Variants in FAM193A observed in about 807,000 individuals in gnomAD.
FAM193A encodes the protein family with sequence similarity 193 member A.
A neutral mutation model predicts 126.5 loss-of-function variants in FAM193A; 22 were observed. The observed-to-expected ratio is 0.17, with a 90% CI of 0.12 to 0.25. The LOEUF is 0.25. Among genes scored for constraint, FAM193A ranks in the 10% least tolerant of loss-of-function variants. The pLI, the probability that FAM193A is intolerant of heterozygous loss-of-function variation, is 1.00. For missense variants in FAM193A, 1,675 were observed against 1,672.8 expected (o/e 1.00, Z -0.02); for synonymous variants, 761 against 646.8 (o/e 1.18, Z -2.68).
At chr4:2,723,655 T>C (rs1720409043) in intron 20 of FAM193A, among the ~76,000 whole-genome samples, 1 of 152,158 alleles carries the variant, frequency 6.6e-6, no homozygotes, top group South Asian at 2.1e-4. Flanking sequence ...ATATCAAAGG[T>C]TTAAAACACT....
intron 5 of FAM193A, among the ~76,000 whole-genome samples, chr4:2,633,283 C>T (rs371312198): frequency 1.3e-5 from 2 of 151,982 alleles, no homozygotes; most frequent in African/African-American, 4.8e-5. Flanking sequence ...CCTGTAGTCC[C>T]AGCTACTCGG....
chr4:2,720,438 G>C (rs761285634), intron 20 of FAM193A, among the ~76,000 whole-genome samples: 4 of 152,036 alleles, frequency 2.6e-5, no homozygotes, highest in Non-Finnish European at 4.4e-5. Context: ...GATCACTTGA[G>C]CCCAGGAGTT....
intron 20 of FAM193A, among the ~76,000 whole-genome samples, chr4:2,720,828 G>A (rs1720057930): frequency 6.6e-6 from 1 of 152,066 alleles, no homozygotes; most frequent in African/African-American, 2.4e-5. Flanking sequence ...CATTAAAGAA[G>A]ATCTAAATCA....
chr4:2,630,612 C>T (rs1389645021), intron 4 of FAM193A, among the ~76,000 whole-genome samples: 1 of 152,202 alleles, frequency 6.6e-6, no homozygotes, highest in Non-Finnish European at 1.5e-5. Context: ...AGTCACCCAA[C>T]CTGTGTGGGC....
intron 1 of FAM193A, among the ~76,000 whole-genome samples, chr4:2,581,185 C>G (rs896021611): frequency 2.7e-5 from 4 of 146,752 alleles, no homozygotes; most frequent in African/African-American, 9.8e-5. Flanking sequence ...TTTGGGATTG[C>G]CATTTCTTTT....
At chr4:2,725,636 T>C (rs1247958345) in intron 20 of FAM193A, among the ~76,000 whole-genome samples, 2 of 151,860 alleles carry the variant, frequency 1.3e-5, no homozygotes, top group Non-Finnish European at 2.9e-5. Flanking sequence ...TAGGGATAAC[T>C]CATATCCTGT....
chr4:2,696,277 A>G (rs1019343083), intron 17 of FAM193A, 86 bp from the exon 18 acceptor site: 9 of 860,850 alleles, frequency 1.0e-5, no homozygotes, highest in Admixed American at 2.4e-5. Context: ...TTGAGTAATA[A>G]AACAGTTTAT....
At chr4:2,571,213 T>TG (rs1180432158) in intron 1 of FAM193A, among the ~76,000 whole-genome samples, 3 of 152,194 alleles carry the variant, frequency 2.0e-5, no homozygotes, top group African/African-American at 7.2e-5. Flanking sequence ...GACCAAATTA[T>TG]GTTTTTATGA....
At chr4:2,723,467 C>G (rs1171414949) in intron 20 of FAM193A, among the ~76,000 whole-genome samples, 1 of 147,204 alleles carries the variant, frequency 6.8e-6, no homozygotes, top group African/African-American at 2.5e-5. Context: ...CCCAGCTGCT[C>G]GGGAGGCTGA....
chr4:2,585,897 C>T (rs145433905), intron 1 of FAM193A, among the ~76,000 whole-genome samples: 1 of 152,196 alleles, frequency 6.6e-6, no homozygotes, highest in South Asian at 2.1e-4. Context: ...CTACTGCACA[C>T]CAGCCTGGGT....
intron 2 of FAM193A, among the ~76,000 whole-genome samples, chr4:2,611,932 G>C (rs1367780781): frequency 6.6e-6 from 1 of 150,948 alleles, no homozygotes; most frequent in African/African-American, 2.4e-5. Flanking sequence ...CGCCTCCCGG[G>C]TTCACACCAT....
chr4:2,651,400 A>AT (rs1745650833), intron 7 of FAM193A, among the ~76,000 whole-genome samples: 1 of 152,190 alleles, frequency 6.6e-6, no homozygotes, highest in African/African-American at 2.4e-5. Context: ...GATTTCATTG[A>AT]TTCACAGTTC....
chr4:2,619,277 A>G (rs935689061), intron 2 of FAM193A, among the ~76,000 whole-genome samples: 1 of 151,244 alleles, frequency 6.6e-6, no homozygotes, highest in Non-Finnish European at 1.5e-5. Flanking sequence ...TATCATCTCT[A>G]TTTTTGGGGA....
In FAM193A at chr4:2,689,671, A is replaced by C; in HGVS notation, c.2497A>C (p.Asn833His). The C allele has an allele frequency of 6.4e-6, 10 of 1,571,782 alleles. No homozygotes were observed. The highest frequency in any genetic ancestry group is 8.6e-6 in the Non-Finnish European group (10 of 1,166,938). Residue 833 changes from asparagine (N) to histidine (H), a missense_variant, in exon 14 of 21, where the codon AAT (asparagine) becomes CAT (histidine). Transcript: ENST00000637812. ...GSEVMNDKNW[N>H]PGTFLPDTIS... Reference sequence around the variant, plus strand: ...AGAAGTGATGAATGATAAGAACTGGAATCCTGGCACTTTCTTGCCAGATAC... The same window carrying C: ...AGAAGTGATGAATGATAAGAACTGGCATCCTGGCACTTTCTTGCCAGATAC...
At chr4:2,730,357 T>C (rs924852199) in intron 20 of FAM193A, among the ~76,000 whole-genome samples, 1 of 152,192 alleles carries the variant, frequency 6.6e-6, no homozygotes, top group Non-Finnish European at 1.5e-5. Context: ...ATTTAGGATA[T>C]ATGTGTATAC....
intron 2 of FAM193A, among the ~76,000 whole-genome samples, chr4:2,618,610 T>C (rs991364051): frequency 3.7e-4 from 56 of 149,384 alleles, no homozygotes; most frequent in Non-Finnish European, 6.5e-4. Context: ...TTTTTTTTTT[T>C]TTGAGACGAA....
At position 2,671,693 on chromosome 4, in the gene FAM193A, C is replaced by G. The variant is rs1272452524; in HGVS notation, c.2080-428C>G. 3.3e-5 allele frequency among the ~76,000 whole-genome samples: 5 copies of G among 152,200 alleles called. No individual in the cohort carries two copies. The South Asian group carries it at 8.3e-4, about 25-fold the overall frequency. On this transcript the variant is annotated intron_variant, in intron 12 of 20. Transcript: ENST00000637812. ...GAAAGGAGCCACTGACCTCTTCACT[C>G]CACCGTAACCGGAAGTCGCGTCTCT...
chr4:2,604,486 T>G (rs1473236727), intron 2 of FAM193A, among the ~76,000 whole-genome samples: 4 of 152,202 alleles, frequency 2.6e-5, no homozygotes, highest in Non-Finnish European at 5.9e-5. Flanking sequence ...TTTGTTTTGC[T>G]TTACATATTT....
intron 4 of FAM193A, among the ~76,000 whole-genome samples, chr4:2,630,489 GT>G (rs1335198461): frequency 3.9e-5 from 6 of 152,188 alleles, no homozygotes; most frequent in African/African-American, 1.2e-4. Flanking sequence ...CTTTTTACTT[GT>G]TAACATATAA....
Sources: allele counts gnomAD v4.1 joint callset (sites outside exome capture counted in the v4.1 genomes callset), GRCh38; gene constraint gnomAD v4.1.1; transcripts MANE v1.5; gene names NCBI Gene and HGNC (gene_info 2026-07-23, HGNC 2026-07-21).